Variants in BIN3 observed in about 807,000 individuals in gnomAD.
BIN3 encodes bridging integrator 3.
In BIN3, 41 loss-of-function variants were observed where a neutral mutation model predicts 38.2. The observed-to-expected ratio is 1.07, with a 90% CI of 0.84 to 1.39. BIN3 has a LOEUF of 1.39. Ranked by LOEUF, BIN3 falls within the 40% of genes most tolerant of loss-of-function variation. BIN3 has a pLI of 0.00. For synonymous variants in BIN3, 145 were observed against 122.6 expected (o/e 1.18, Z -1.21); for missense variants, 361 against 324.3 (o/e 1.11, Z -0.87).
At chr8:22,640,716 C>G (rs779038903) in intron 2 of BIN3, among the ~76,000 whole-genome samples, 5 of 152,106 alleles carry the variant, frequency 3.3e-5, no homozygotes, top group Admixed American at 6.5e-5. Context: ...TGCAATCCCC[C>G]AAGTGTGCCG....
intron 2 of BIN3, among the ~76,000 whole-genome samples, chr8:22,642,161 G>T (rs548078542): frequency 6.6e-6 from 1 of 151,268 alleles, no homozygotes; most frequent in Non-Finnish European, 1.5e-5. Flanking sequence ...TGAAGATAAC[G>T]TGAGCATTTC....
chr8:22,624,171 G>T, intron 7 of BIN3, 51 bp downstream of exon 7: 1 of 1,595,732 alleles, frequency 6.3e-7, no homozygotes, highest in South Asian at 1.1e-5. Flanking sequence ...TACCACAGGT[G>T]ACCACGATGG....
intron 1 of BIN3, among the ~76,000 whole-genome samples, chr8:22,645,925 C>G (rs1802700126): frequency 6.6e-6 from 1 of 152,210 alleles, no homozygotes. Context: ...CAGCCCAAGT[C>G]TGCCTTGGAC....
At chr8:22,669,013 C>G (rs1004030450) in intron 1 of BIN3, 31 bp downstream of exon 1, 1 of 1,569,716 alleles carries the variant, frequency 6.4e-7, no homozygotes, top group Non-Finnish European at 8.6e-7. Context: ...TCCGCGGGTC[C>G]AGCAGCTCCC....
Position 22,651,660 on chromosome 8 carries a change from T to G in BIN3, c.9-6857A>C, listed in dbSNP as rs529708402. Among the ~76,000 whole-genome samples, 35 of 152,330 alleles carry G rather than the reference T, an allele frequency of 2.3e-4. No homozygotes were observed. In the South Asian group the frequency reaches 6.8e-3, roughly 30 times the overall value. ...TTCTAACTTCCCAGTACTGCTGCTG[T>G]GGGAAAGTCTGAAGCCACTCTGATT... On this transcript the variant is annotated intron_variant, in intron 1 of 8. Coordinates refer to ENST00000276416, the MANE Select transcript of BIN3 (RefSeq NM_018688.6).
chr8:22,668,893 G>A, intron 1 of BIN3, 151 bp downstream of exon 1: 1 of 956,126 alleles, frequency 1.0e-6, no homozygotes, highest in South Asian at 1.6e-5. Flanking sequence ...AAGCACCGAG[G>A]GAACGACCCT....
intron 4 of BIN3, among the ~76,000 whole-genome samples, chr8:22,634,123 G>C (rs977244000): frequency 6.6e-6 from 1 of 152,244 alleles, no homozygotes; most frequent in African/African-American, 2.4e-5. Flanking sequence ...GAAGCAGGAA[G>C]GAAAGGAAGC....
At position 22,621,417 on chromosome 8, in the gene BIN3, G is replaced by A. The variant is rs762087866; in HGVS notation, c.*5C>T. The A allele has an allele frequency of 4.3e-6, 7 of 1,612,134 alleles. No homozygotes were observed. The highest frequency in any genetic ancestry group is 2.2e-5 in the East Asian group (1 of 44,818). On this transcript the variant is annotated 3_prime_UTR_variant, in exon 9 of 9. Transcript: ENST00000276416. ...TCACAGGAGTCCTCCAAGAGTGACGGGGATTCAGTCATCGGCCACAATGGA... is the reference window on the plus strand; with the variant it reads ...TCACAGGAGTCCTCCAAGAGTGACGAGGATTCAGTCATCGGCCACAATGGA...
At chr8:22,659,838 A>T (rs1375042661) in intron 1 of BIN3, among the ~76,000 whole-genome samples, 1 of 152,154 alleles carries the variant, frequency 6.6e-6, no homozygotes, top group African/African-American at 2.4e-5. Flanking sequence ...AGGTTAAACG[A>T]GTTTAATGCT....
At position 22,623,770 on chromosome 8, in the gene BIN3, A is replaced by G. The variant is rs540296279; in HGVS notation, c.615+145T>C. 674 of 1,078,536 alleles carry G rather than the reference A, an allele frequency of 6.2e-4. 1 individual carries two copies. The highest frequency in any genetic ancestry group is 8.0e-4 in the Non-Finnish European group (620 of 771,944). The allele number at this position is 1,078,536 out of a possible 1,614,324, so 66.8% of individuals were successfully genotyped here. The stretch of plus-strand genomic sequence containing the variant: ...AGTCGCTGAGCCTGGGACTCTGGTA[A>G]TGGAATGAATTCCTTCAGGGCTTTG... On this transcript the variant is annotated intron_variant, in intron 8 of 8. Coordinates refer to ENST00000276416, the MANE Select transcript of BIN3 (RefSeq NM_018688.6).
chr8:22,669,116 G>C lies in BIN3; in HGVS notation c.-65C>G. 6.4e-7 allele frequency: 1 copy of C among 1,555,098 alleles called. No individual in the cohort carries two copies. The highest frequency in any genetic ancestry group is 8.7e-7 in the Non-Finnish European group (1 of 1,147,770). The stretch of plus-strand genomic sequence containing the variant: ...AACTCGTTTCTCTAGGGTCACTTCC[G>C]GATTCAACCAGTCTCCAGGAAGTGA... On this transcript the variant is annotated 5_prime_UTR_variant, in exon 1 of 9. Coordinates refer to ENST00000276416, the MANE Select transcript of BIN3 (RefSeq NM_018688.6).
At chr8:22,667,988 TAAAC>T (rs776335232) in intron 1 of BIN3, among the ~76,000 whole-genome samples, 1 of 152,236 alleles carries the variant, frequency 6.6e-6, no homozygotes, top group Non-Finnish European at 1.5e-5. Context: ...GCGCTTTGCA[TAAAC>T]AAACACACTA....
In BIN3 at chr8:22,621,198, G is replaced by A. The variant is rs1322855451; in HGVS notation, c.*224C>T. 3 of 578,900 alleles carry A rather than the reference G, an allele frequency of 5.2e-6. No homozygotes were observed. The highest frequency in any genetic ancestry group is 6.0e-6 in the Non-Finnish European group (2 of 331,106). 35.9% of individuals were successfully genotyped at this position (578,900 alleles called of 1,614,324 possible). On this transcript the variant is annotated 3_prime_UTR_variant, in exon 9 of 9. Transcript: ENST00000276416. ...GGTTCTCCAAATAAAAAAGCCCCAA[G>A]GGTTTGTCTACACTGCTTACCTGCT... is the stretch of plus-strand genomic sequence containing the variant.
intron 6 of BIN3, among the ~76,000 whole-genome samples, chr8:22,628,219 TACG>T (rs1802066501): frequency 6.6e-6 from 1 of 152,202 alleles, no homozygotes. Context: ...GACATGTGAA[TACG>T]GCCCAGAGAC....
intron 4 of BIN3, among the ~76,000 whole-genome samples, chr8:22,630,949 G>A (rs1006719352): frequency 6.6e-6 from 1 of 152,196 alleles, no homozygotes; most frequent in African/African-American, 2.4e-5. Context: ...TGGTTTGGAC[G>A]TGATGCTTGG....
Position 22,637,740 on chromosome 8 carries a change from G to A in BIN3, c.58-778C>T, listed in dbSNP as rs117675135. On this transcript the variant is annotated intron_variant, in intron 2 of 8. Transcript: ENST00000276416. ...TATGGGCATGCAATGGGAAGTAAAT[G>A]ACATCGAGAGGCAAAGGAGACTAAG... 4.8e-3 allele frequency among the ~76,000 whole-genome samples: 729 copies of A among 152,322 alleles called. 3 individuals are homozygous for A. The highest frequency in any genetic ancestry group is 6.8e-3 in the Middle Eastern group (2 of 294).
intron 2 of BIN3, among the ~76,000 whole-genome samples, chr8:22,643,387 G>C (rs1563966108): frequency 6.6e-6 from 1 of 152,164 alleles, no homozygotes; most frequent in Non-Finnish European, 1.5e-5. Flanking sequence ...GTGGAGTGCA[G>C]TGGTGCAATC....
intron 1 of BIN3, among the ~76,000 whole-genome samples, chr8:22,666,210 T>C (rs559256142): frequency 4.6e-5 from 7 of 151,826 alleles, no homozygotes; most frequent in Non-Finnish European, 1.0e-4. Flanking sequence ...CCAGCTTAGA[T>C]TGAGGTCACT....
chr8:22,642,362 A>G (rs1212507408), intron 2 of BIN3, among the ~76,000 whole-genome samples: 1 of 152,076 alleles, frequency 6.6e-6, no homozygotes, highest in African/African-American at 2.4e-5. Flanking sequence ...GGGGAATGAG[A>G]CTGAAGAGGC....
Sources: gnomAD v4.1 joint callset for allele counts (sites outside exome capture counted in the v4.1 genomes callset) on GRCh38, gnomAD v4.1.1 for gene constraint, MANE v1.5 for transcripts, NCBI Gene and HGNC (gene_info 2026-07-23, HGNC 2026-07-21) for gene names.